Variants in NTRK1 observed in about 807,000 individuals in gnomAD.
The protein encoded by NTRK1 is high affinity nerve growth factor receptor.
In NTRK1, 62 loss-of-function variants were observed where a neutral mutation model predicts 86.8. The ratio of observed to expected loss-of-function variants is 0.71; its 90% CI spans 0.58 to 0.88. The LOEUF (loss-of-function observed/expected upper bound fraction) is 0.88, where lower values mean the gene tolerates loss of function less well. Among genes scored for constraint, NTRK1 ranks in the 40% least tolerant of loss-of-function variants. The pLI is 0.00. For synonymous variants in NTRK1, 469 were observed against 456.6 expected (o/e 1.03, Z -0.35); for missense variants, 967 against 1,078.4 (o/e 0.90, Z 1.45).
intron 1 of NTRK1, among the ~76,000 whole-genome samples, chr1:156,816,356 A>G (rs1451233887): frequency 6.6e-6 from 1 of 152,134 alleles, no homozygotes; most frequent in Non-Finnish European, 1.5e-5. Flanking sequence ...TGGCCTTCGG[A>G]TGGTCAGGGA....
In NTRK1 at chr1:156,874,267, C is replaced by A. The variant is rs565170907; in HGVS notation, c.1178-116C>A. 919 of 1,494,602 alleles carry A rather than the reference C, an allele frequency of 6.1e-4. 1 individual carries two copies. Among genetic ancestry groups the A allele is most frequent in the Non-Finnish European group, 8.1e-4 (874 of 1,072,598 alleles). 92.6% of individuals were successfully genotyped at this position (1,494,602 alleles called of 1,614,324 possible). A position where few individuals can be genotyped will look rare whatever the true frequency, so the allele number is the denominator to read the frequency against. The stretch of plus-strand genomic sequence containing the variant: ...GGCCCAGCAGCCCACCTCCATCCCC[C>A]CTCGTCCCATGAAGGAATGAGTCCC... On this transcript the variant is annotated intron_variant, in intron 8 of 16. Coordinates refer to ENST00000524377, the MANE Select transcript of NTRK1 (RefSeq NM_002529.4).
intron 1 of NTRK1, among the ~76,000 whole-genome samples, chr1:156,829,626 C>A (rs577230078): frequency 3.2e-4 from 48 of 152,214 alleles, no homozygotes; most frequent in African/African-American, 1.1e-3. Context: ...AAGTATCCAC[C>A]CCCCAGACTC....
intron 2 of NTRK1, chr1:156,844,931 G>A: frequency 6.3e-7 from 1 of 1,579,386 alleles, no homozygotes; most frequent in Admixed American, 1.7e-5. Context: ...TGAGCTGGGA[G>A]GTGGGGAAAG....
rs1315182945 is a variant in NTRK1 at position 156,845,472 on chromosome 1, C to T, written c.50+3279C>T. 2.1e-5 allele frequency: 32 copies of T among 1,517,064 alleles called. No homozygotes were observed. In the Admixed American group the frequency reaches 7.1e-4, roughly 34 times the overall value. The allele number at this position is 1,517,064 out of a possible 1,614,324, so 94.0% of individuals were successfully genotyped here. A position where few individuals can be genotyped will look rare whatever the true frequency, so the allele number is the denominator to read the frequency against. On this transcript the variant is annotated intron_variant, in intron 2 of 16. Transcript: ENST00000392302. ...TCCGGATGCACCCCTGTGCCCTCTG[C>T]AGCGCGTACCGCCTCCAAAAGCACC...
At chr1:156,818,355 TTTGGGGTA>T (rs1654080349) in intron 1 of NTRK1, among the ~76,000 whole-genome samples, 1 of 152,232 alleles carries the variant, frequency 6.6e-6, no homozygotes, top group Non-Finnish European at 1.5e-5. Context: ...TTTAATAATT[TTTGGGGTA>T]CGGTTGGGTT....
intron 14 of NTRK1, among the ~76,000 whole-genome samples, chr1:156,877,299 GAAGC>G (rs1209082402): frequency 2.6e-5 from 4 of 152,182 alleles, no homozygotes; most frequent in Non-Finnish European, 2.9e-5. Flanking sequence ...ATTTACACTT[GAAGC>G]AAGTTACAAA....
chr1:156,868,055 TC>T, intron 4 of NTRK1, 48 bp from the exon 5 acceptor site: 1 of 1,610,052 alleles, frequency 6.2e-7, no homozygotes, highest in Non-Finnish European at 8.5e-7. Context: ...TCCCCTGTGA[TC>T]CCTCAGGCCC....
intron 16 of NTRK1, among the ~76,000 whole-genome samples, chr1:156,881,220 A>G (rs1264038446): frequency 1.3e-5 from 2 of 152,216 alleles, no homozygotes; most frequent in African/African-American, 4.8e-5. Context: ...GTTTTCTGGA[A>G]GCAATCCTAC....
At chr1:156,858,539 T>C, upstream of NTRK1, 1 of 1,613,474 alleles carries the variant, frequency 6.2e-7, no homozygotes, top group South Asian at 1.1e-5. Context: ...GGACTCACCC[T>C]CTACTGTATC....
intron 1 of NTRK1, among the ~76,000 whole-genome samples, chr1:156,834,573 T>G (rs1377856092): frequency 6.6e-6 from 1 of 152,176 alleles, no homozygotes; most frequent in Non-Finnish European, 1.5e-5. Flanking sequence ...GCGAGTCATT[T>G]TGCTTCTCAG....
intron 2 of NTRK1, chr1:156,846,709 G>C: frequency 1.2e-6 from 2 of 1,614,126 alleles, no homozygotes; most frequent in Non-Finnish European, 1.7e-6. Context: ...TCCAGCTCTG[G>C]GTTCCACAAG....
chr1:156,849,145 G>T (rs1655114208), intron 2 of NTRK1: 11 of 1,594,902 alleles, frequency 6.9e-6, no homozygotes, highest in Non-Finnish European at 9.4e-6. Context: ...GACCTCTGAG[G>T]AGAACTTCTC....
Position 156,881,742 on chromosome 1 carries a change from C to G in NTRK1, c.*100C>G. 12 of 1,211,210 alleles carry G rather than the reference C, an allele frequency of 9.9e-6. No homozygotes were observed. The highest frequency in any genetic ancestry group is 1.2e-5 in the Non-Finnish European group (11 of 887,390). 75.0% of individuals were successfully genotyped at this position (1,211,210 alleles called of 1,614,324 possible). ...CAGCCCCAGGGTGATCTCAAAGTAT[C>G]TAATTCACCCTCAGCATGTGGGAAG... is the stretch of plus-strand genomic sequence containing the variant. On this transcript the variant is annotated 3_prime_UTR_variant, in exon 17 of 17. Transcript: ENST00000524377.
chr1:156,855,052 C>A (rs1429214781), intron 2 of NTRK1, among the ~76,000 whole-genome samples: 1 of 152,136 alleles, frequency 6.6e-6, no homozygotes, highest in Non-Finnish European at 1.5e-5. Flanking sequence ...AAAGCTTCTG[C>A]CTTGGGGTCT....
intron 2 of NTRK1, among the ~76,000 whole-genome samples, chr1:156,855,036 G>A (rs1015749643): frequency 2.6e-5 from 4 of 152,198 alleles, no homozygotes; most frequent in Non-Finnish European, 4.4e-5. Flanking sequence ...ACTATAACAA[G>A]CCAGCAAAGC....
intron 2 of NTRK1, chr1:156,843,305 T>C: frequency 6.4e-7 from 1 of 1,568,520 alleles, no homozygotes; most frequent in South Asian, 1.1e-5. Flanking sequence ...ACTTCTCTTC[T>C]CCTCTTCTGA....
At chr1:156,844,755 G>T in intron 2 of NTRK1, 1 of 1,614,180 alleles carries the variant, frequency 6.2e-7, no homozygotes, top group Middle Eastern at 1.6e-4. Context: ...TGAGTCCGTT[G>T]GGGTCTGGTG....
chr1:156,865,292 T>C (rs1655875469), intron 3 of NTRK1, among the ~76,000 whole-genome samples: 1 of 152,092 alleles, frequency 6.6e-6, no homozygotes, highest in Admixed American at 6.5e-5. Context: ...CAGAGACTGG[T>C]TTCATGGAAG....
chr1:156,869,073 TTCC>T (rs1647386326), intron 6 of NTRK1, among the ~76,000 whole-genome samples: 1 of 147,380 alleles, frequency 6.8e-6, no homozygotes, highest in Non-Finnish European at 1.5e-5. Flanking sequence ...CCTTCCTTCC[TTCC>T]TTCCTTCCTT....
Sources: allele counts gnomAD v4.1 joint callset (sites outside exome capture counted in the v4.1 genomes callset), GRCh38; gene constraint gnomAD v4.1.1; transcripts MANE v1.5; gene names NCBI Gene and HGNC (gene_info 2026-07-23, HGNC 2026-07-21).